FBXO41: variants seen among roughly 807,000 people sequenced by gnomAD.
FBXO41 encodes F-box protein 41, also known as F-box only protein 41.
A neutral mutation model predicts 81.6 loss-of-function variants in FBXO41; 33 were observed. The ratio of observed to expected loss-of-function variants is 0.40; its 90% CI spans 0.31 to 0.54. The LOEUF (loss-of-function observed/expected upper bound fraction) is 0.54, where lower values mean the gene tolerates loss of function less well. Ranked by LOEUF, FBXO41 falls within the 20% of genes least tolerant of loss-of-function variation. The pLI is 0.39. For synonymous variants in FBXO41, 576 were observed against 552.7 expected (o/e 1.04, Z -0.59); for missense variants, 1,107 against 1,236.0 (o/e 0.90, Z 1.56).
chr2:73,260,082 G>T lies in FBXO41; in HGVS notation c.2449+307C>A, dbSNP rs765159085. On this transcript the variant is annotated intron_variant, in intron 11 of 12. Coordinates refer to ENST00000520530, the MANE Select transcript of FBXO41 (RefSeq NM_001371389.2). This position sits in a 1 kb window ranked among gnomAD's most constrained non-coding sequence, Gnocchi z 5.0. Reference sequence around the variant, plus strand: ...TCTTCACCCTGAGAACTGTCCTTGGGGGGGCTTCCATATATCATCTCATTT... The same window carrying T: ...TCTTCACCCTGAGAACTGTCCTTGGTGGGGCTTCCATATATCATCTCATTT... Among the ~76,000 whole-genome samples the T allele has an allele frequency of 6.6e-6, 1 of 152,030 alleles. No homozygotes were observed. Among genetic ancestry groups the T allele is most frequent in the East Asian group, 1.9e-4 (1 of 5,184 alleles).
At chr2:73,264,715 A>G (rs549501813) in intron 5 of FBXO41, among the ~76,000 whole-genome samples, 196 bp from the exon 6 acceptor site, 1 of 152,226 alleles carries the variant, frequency 6.6e-6, no homozygotes, top group African/African-American at 2.4e-5. Context: ...AAATTACAAA[A>G]AGGCATCCCT....
At chr2:73,276,877 C>A (rs1437789436) in intron 1 of FBXO41, among the ~76,000 whole-genome samples, 5 of 152,218 alleles carry the variant, frequency 3.3e-5, no homozygotes, top group Admixed American at 2.6e-4. Flanking sequence ...AGAGTTCACA[C>A]ACATACAGAA....
In FBXO41 at chr2:73,266,715, T is replaced by C; in HGVS notation, c.906-33A>G. On this transcript the variant is annotated intron_variant, in intron 2 of 12. Transcript: ENST00000520530. This position sits in a 1 kb window ranked among gnomAD's most constrained non-coding sequence, Gnocchi z 5.3. ...CAGAGCAGTCTCTTACCCCAGAGCC[T>C]CAGCCTGCCTGCCCACCCACCCTCT... 6.6e-7 allele frequency: 1 copy of C among 1,504,610 alleles called. No individual in the cohort carries two copies. Among genetic ancestry groups the C allele is most frequent in the South Asian group, 1.3e-5 (1 of 76,906 alleles). The allele number at this position is 1,504,610 out of a possible 1,614,324, so 93.2% of individuals were successfully genotyped here. A position where few individuals can be genotyped will look rare whatever the true frequency, so the allele number is the denominator to read the frequency against.
Position 73,266,324 on chromosome 2 carries a change from G to T in FBXO41, c.1131+133C>A. 9.1e-7 allele frequency: 1 copy of T among 1,094,388 alleles called. No individual in the cohort carries two copies. The highest frequency in any genetic ancestry group is 1.3e-6 in the Non-Finnish European group (1 of 782,424). 67.8% of individuals were successfully genotyped at this position (1,094,388 alleles called of 1,614,324 possible). A position where few individuals can be genotyped will look rare whatever the true frequency, so the allele number is the denominator to read the frequency against. ...AATCAAAGGGGCTCCCCTGTTCCTGGCATCTGCTGGTGGGGTAAAAGCCAA... is the reference window on the plus strand; with the variant it reads ...AATCAAAGGGGCTCCCCTGTTCCTGTCATCTGCTGGTGGGGTAAAAGCCAA... On this transcript the variant is annotated intron_variant, in intron 3 of 12. Transcript: ENST00000520530. This position sits in a 1 kb window ranked among gnomAD's most constrained non-coding sequence, Gnocchi z 5.3.
chr2:73,265,919 T>C lies in FBXO41; in HGVS notation c.1179A>G (p.Ser393=). 1 of 1,587,440 alleles carries C rather than the reference T, an allele frequency of 6.3e-7. No individual in the cohort carries two copies. The highest frequency in any genetic ancestry group is 8.6e-7 in the Non-Finnish European group (1 of 1,166,824). The change falls in exon 4 of 13, where the codon TCA becomes TCG. Residue 393 remains serine, a synonymous_variant. Transcript: ENST00000520530. The part of the protein sequence containing the change: ...GPAVPNTYAV[S]RHGSSPSTGA... ...CTGTGCTCGGAGAGGAGCCATGCCG[T>C]GACACTGCATATGTGTTAGGCACGG...
chr2:73,273,925 C>T (rs1258216225), intron 1 of FBXO41, among the ~76,000 whole-genome samples: 1 of 152,218 alleles, frequency 6.6e-6, no homozygotes, highest in Admixed American at 6.5e-5. Context: ...GTCCTCCCAG[C>T]CACAGCACTG....
chr2:73,271,031 G>T, intron 1 of FBXO41: 1 of 447,060 alleles, frequency 2.2e-6, no homozygotes, highest in South Asian at 1.7e-5. Context: ...TCCTGTTCTT[G>T]CTGCCTTCCT....
At chr2:73,282,321 G>A (rs950302377) in intron 1 of FBXO41, among the ~76,000 whole-genome samples, 1 of 152,120 alleles carries the variant, frequency 6.6e-6, no homozygotes, top group Non-Finnish European at 1.5e-5. Context: ...ATGGATAAAG[G>A]GTATGATAGG....
chr2:73,269,046 A>G lies in FBXO41; in HGVS notation c.585T>C (p.Asp195=). The change falls in exon 2 of 13, where the codon GAT becomes GAC. Residue 195 remains aspartate (D), a synonymous_variant. Transcript: ENST00000520530. This position sits in a 1 kb window ranked among gnomAD's most constrained non-coding sequence, Gnocchi z 7.0. ...GCGCCAGGCCCTCTTCGTAGGCCAC[A>G]TCAGCGGGTGAGGGGGACGCGGGCG... ...SASPASPSPA[D]VAYEEGLARL... is the part of the protein sequence containing the mutation. 1 of 1,533,824 alleles carries G rather than the reference A, an allele frequency of 6.5e-7. No homozygotes were observed. The highest frequency in any genetic ancestry group is 8.7e-7 in the Non-Finnish European group (1 of 1,144,576).
intron 1 of FBXO41, among the ~76,000 whole-genome samples, chr2:73,276,205 T>C (rs1688676436): frequency 6.7e-6 from 1 of 149,670 alleles, no homozygotes; most frequent in African/African-American, 2.5e-5. Context: ...AGGTCAGGAG[T>C]TCGAGACCAC....
chr2:73,268,888 A>C lies in FBXO41; in HGVS notation c.743T>G (p.Leu248Arg). ...QAELERKAAE[L>R]ETARQESARL... is the part of the protein sequence containing the mutation. ...CGCACTCTCCTGCCGCGCAGTCTCC[A>C]GTTCGGCCGCCTTGCGCTCCAGCTC... Residue 248 changes from leucine (L) to arginine (R), a missense_variant, in exon 2 of 13, where the codon CTG (leucine) becomes CGG (arginine). This residue lies in a region of FBXO41 where 771 missense variants were observed against 789.2 expected (regional missense o/e 0.98). Transcript: ENST00000520530. 6.4e-7 allele frequency: 1 copy of C among 1,555,656 alleles called. No individual in the cohort carries two copies. The highest frequency in any genetic ancestry group is 8.7e-7 in the Non-Finnish European group (1 of 1,152,832).
At chr2:73,268,047 CAGAT>C (rs1688330845) in intron 2 of FBXO41, among the ~76,000 whole-genome samples, 2 of 152,110 alleles carry the variant, frequency 1.3e-5, no homozygotes, top group South Asian at 4.1e-4. Context: ...AAGATTGAGA[CAGAT>C]AGAAGGAAAT....
rs1324856579 is a variant in FBXO41 at position 73,257,853 on chromosome 2, C to G, written c.*1129G>C. On this transcript the variant is annotated 3_prime_UTR_variant, in exon 13 of 13. Transcript: ENST00000520530. This position sits in a 1 kb window ranked among gnomAD's most constrained non-coding sequence, Gnocchi z 4.6. ...CCTCAGTCCACGGGGCCCGTGGAGACCAAGGAAGGGGGAGTGAGTCTATTG... is the reference window on the plus strand; with the variant it reads ...CCTCAGTCCACGGGGCCCGTGGAGAGCAAGGAAGGGGGAGTGAGTCTATTG... 1 of 152,226 alleles carries G rather than the reference C, an allele frequency of 6.6e-6. No individual in the cohort carries two copies. The highest frequency in any genetic ancestry group is 1.5e-5 in the Non-Finnish European group (1 of 68,068). 9.4% of individuals were successfully genotyped at this position (152,226 alleles called of 1,614,324 possible). A position where few individuals can be genotyped will look rare whatever the true frequency, so the allele number is the denominator to read the frequency against.
At position 73,266,880 on chromosome 2, in the gene FBXO41, G is replaced by C. The variant is rs114186384; in HGVS notation, c.906-198C>G. 1.3e-6 allele frequency: 1 copy of C among 785,190 alleles called. No individual in the cohort carries two copies. Among genetic ancestry groups the C allele is most frequent in the Non-Finnish European group, 1.8e-6 (1 of 551,504 alleles). The allele number at this position is 785,190 out of a possible 1,614,324, so 48.6% of individuals were successfully genotyped here. On this transcript the variant is annotated intron_variant, in intron 2 of 12. Coordinates refer to ENST00000520530, the MANE Select transcript of FBXO41 (RefSeq NM_001371389.2). The surrounding 1 kb of genome is among the most constrained non-coding windows in gnomAD (Gnocchi z 5.3). ...ATACAGAAATGCATGCATGCACTCCGAGCCACACACTCACACCCCACCCAC... is the reference window on the plus strand; with the variant it reads ...ATACAGAAATGCATGCATGCACTCCCAGCCACACACTCACACCCCACCCAC...
intron 1 of FBXO41, among the ~76,000 whole-genome samples, chr2:73,279,038 G>T (rs1362571115): frequency 6.6e-6 from 1 of 152,210 alleles, no homozygotes; most frequent in Non-Finnish European, 1.5e-5. Context: ...GAAGAAGGTT[G>T]TTGGAACACC....
chr2:73,268,800 G>A lies in FBXO41; in HGVS notation c.831C>T (p.Asp277=), dbSNP rs1296632687. 6.3e-7 allele frequency: 1 copy of A among 1,583,308 alleles called. No homozygotes were observed. Among genetic ancestry groups the A allele is most frequent in the Non-Finnish European group, 8.6e-7 (1 of 1,165,054 alleles). The change falls in exon 2 of 13, where the codon GAC becomes GAT. Residue 277 remains aspartate, a synonymous_variant. Coordinates refer to ENST00000520530, the MANE Select transcript of FBXO41 (RefSeq NM_001371389.2). ...ERASELSRQV[D]VSVELLASLK... ...GTGAGGCCAGCAGCTCTACGCTCAC[G>A]TCCACCTGGCGGGAGAGCTCAGACG...
chr2:73,271,055 C>G, intron 1 of FBXO41: 1 of 408,924 alleles, frequency 2.4e-6, no homozygotes, highest in Non-Finnish European at 5.0e-6. Context: ...CGTCCTCATT[C>G]CCTGAGGTCT....
Position 73,264,529 on chromosome 2 carries a change from A to G in FBXO41, c.1565-10T>C, listed in dbSNP as rs1382086268. ...CCTCCCTCGGGGCGGGCTGCAGAAT[A>G]CCAGGGGTTCAAAAGTGAGCGTGGA... On this transcript the variant is annotated splice_polypyrimidine_tract_variant and intron_variant, in intron 5 of 12. Transcript: ENST00000520530. The G allele has an allele frequency of 6.2e-7, 1 of 1,612,900 alleles. No homozygotes were observed. Among genetic ancestry groups the G allele is most frequent in the South Asian group, 1.1e-5 (1 of 91,040 alleles).
rs1240783425 is a variant in FBXO41 at position 73,260,941 on chromosome 2, T to A, written c.2172-83A>T. On this transcript the variant is annotated intron_variant, in intron 9 of 12. Transcript: ENST00000520530. The surrounding 1 kb of genome is among the most constrained non-coding windows in gnomAD (Gnocchi z 5.0). ...ATGCTCCTCCTGTGGGACCCCTCCC[T>A]GACTCAGGCAAGCATTCCTCCAACA... The A allele has an allele frequency of 1.7e-6, 2 of 1,186,036 alleles. No homozygotes were observed. The highest frequency in any genetic ancestry group is 1.5e-5 in the African/African-American group (1 of 65,502). The allele number at this position is 1,186,036 out of a possible 1,614,324, so 73.5% of individuals were successfully genotyped here.
Sources: gnomAD v4.1 joint callset for allele counts (sites outside exome capture counted in the v4.1 genomes callset) on GRCh38, gnomAD v4.1.1 for gene constraint, gnomAD v4.1.1 regional missense constraint, Gnocchi (gnomAD v3.1) non-coding constraint, MANE v1.5 for transcripts, NCBI Gene and HGNC (gene_info 2026-07-23, HGNC 2026-07-21) for gene names.